The following PLOD1 variants were observed in gnomAD, a reference collection of about 807,000 sequenced individuals.
The protein encoded by PLOD1 is lysine hydroxylase.
A neutral mutation model predicts 94.7 loss-of-function variants in PLOD1; 70 were observed. That is an observed-to-expected ratio of 0.74 (90% CI 0.61 to 0.90). The LOEUF is 0.90. Among genes scored for constraint, PLOD1 ranks in the 40% least tolerant of loss-of-function variants. PLOD1 has a pLI of 0.00. For missense variants in PLOD1, 905 were observed against 972.7 expected (o/e 0.93, Z 0.93); for synonymous variants, 417 against 400.2 (o/e 1.04, Z -0.50).
At chr1:11,944,616 T>G in intron 1 of PLOD1, 1 of 1,365,006 alleles carries the variant, frequency 7.3e-7, no homozygotes, top group Non-Finnish European at 9.8e-7. Context: ...GGGGGAGCCC[T>G]TCCCCAAGTG....
At chr1:11,949,315 T>C (rs1645680192) in intron 2 of PLOD1, among the ~76,000 whole-genome samples, 1 of 152,174 alleles carries the variant, frequency 6.6e-6, no homozygotes, top group Admixed American at 6.5e-5. Flanking sequence ...TGGACAGGCA[T>C]GGTCACATGA....
At chr1:11,939,398 G>A (rs999017397) in intron 1 of PLOD1, among the ~76,000 whole-genome samples, 1 of 152,090 alleles carries the variant, frequency 6.6e-6, no homozygotes, top group Admixed American at 6.6e-5. Context: ...ATTCATTCCC[G>A]CCTCCCCAGG....
chr1:11,950,861 T>G (rs1490056789), intron 4 of PLOD1, among the ~76,000 whole-genome samples: 1 of 152,138 alleles, frequency 6.6e-6, no homozygotes, highest in Non-Finnish European at 1.5e-5. Flanking sequence ...TGGTGGGATC[T>G]CAGCTCACTG....
intron 6 of PLOD1, among the ~76,000 whole-genome samples, chr1:11,956,458 G>A (rs1645738453): frequency 6.6e-6 from 1 of 152,154 alleles, no homozygotes; most frequent in African/African-American, 2.4e-5. Context: ...CCTCCACTGG[G>A]ACAAGATCTG....
chr1:11,948,116 A>C, intron 2 of PLOD1, 49 bp downstream of exon 2: 2 of 1,254,796 alleles, frequency 1.6e-6, no homozygotes, highest in Non-Finnish European at 2.3e-6. Context: ...TGGCAGGAGG[A>C]TCTAGGAGCT....
intron 1 of PLOD1, among the ~76,000 whole-genome samples, chr1:11,940,267 C>T (rs1645606864): frequency 6.6e-6 from 1 of 152,160 alleles, no homozygotes; most frequent in African/African-American, 2.4e-5. Flanking sequence ...AAATAAGCCT[C>T]CTGCCTTGGT....
chr1:11,953,829 A>G (rs972369758), intron 5 of PLOD1, among the ~76,000 whole-genome samples: 2 of 151,794 alleles, frequency 1.3e-5, no homozygotes, highest in Non-Finnish European at 2.9e-5. Context: ...TTTCTCACAG[A>G]GATGTTGTCA....
At chr1:11,960,314 T>G (rs1645769044) in intron 9 of PLOD1, among the ~76,000 whole-genome samples, 1 of 152,194 alleles carries the variant, frequency 6.6e-6, no homozygotes, top group Non-Finnish European at 1.5e-5. Flanking sequence ...ACCTGGCACA[T>G]TTTGTAACAA....
chr1:11,964,331 G>GGGGGGGGGGGGGCC, intron 12 of PLOD1, 31 bp downstream of exon 12: 1 of 1,456,166 alleles, frequency 6.9e-7, no homozygotes, highest in Non-Finnish European at 9.6e-7. Context: ...GGTGGGTGGG[G>GGGGGGGGGGGGGCC]GACACCTTCA....
rs376661744 is a variant in PLOD1 at position 11,954,908 on chromosome 1, C to T, written c.643+15C>T. Reference sequence around the variant, plus strand: ...TGGAGCCTTGGGTGAGCAGCCCCCACGGGGAGGGGTGGATCCTCAGAGGGG... The same window carrying T: ...TGGAGCCTTGGGTGAGCAGCCCCCATGGGGAGGGGTGGATCCTCAGAGGGG... On this transcript the variant is annotated intron_variant, in intron 6 of 18. Transcript: ENST00000196061. The T allele has an allele frequency of 2.6e-5, 41 of 1,601,004 alleles. No individual in the cohort carries two copies. In the African/African-American group the frequency reaches 3.5e-4, roughly 14 times the overall value.
intron 18 of PLOD1, among the ~76,000 whole-genome samples, chr1:11,974,348 G>T (rs532320867): frequency 1.3e-5 from 2 of 152,000 alleles, no homozygotes; most frequent in African/African-American, 2.4e-5. Flanking sequence ...ACACCCAGCT[G>T]GTTTTTGTAT....
chr1:11,952,756 C>G (rs766399080), intron 5 of PLOD1, 21 bp downstream of exon 5: 1 of 1,542,146 alleles, frequency 6.5e-7, no homozygotes, highest in Non-Finnish European at 9.0e-7. Context: ...GTGGGCGGGC[C>G]AAGGAGAGGG....
At chr1:11,965,345 G>C (rs1179443058) in intron 13 of PLOD1, 135 bp from the exon 14 acceptor site, 1 of 671,654 alleles carries the variant, frequency 1.5e-6, no homozygotes, top group East Asian at 2.7e-5. Context: ...GACTGCACTT[G>C]GTCTCTGATA....
rs951382648 is a variant in PLOD1 at position 11,958,135 on chromosome 1, T to C, written c.843+192T>C. Among the ~76,000 whole-genome samples, 8 of 151,950 alleles carry C rather than the reference T, an allele frequency of 5.3e-5. No homozygotes were observed. Among genetic ancestry groups the C allele is most frequent in the African/African-American group, 1.9e-4 (8 of 41,348 alleles). ...GAAGCCCTCTCAGATTGCATGTCTCTAGCTTCCCCCGAGATGTCCAGGTTC... is the reference window on the plus strand; with the variant it reads ...GAAGCCCTCTCAGATTGCATGTCTCCAGCTTCCCCCGAGATGTCCAGGTTC... On this transcript the variant is annotated intron_variant, in intron 8 of 18. Transcript: ENST00000196061. The surrounding 1 kb of genome is among the most constrained non-coding windows in gnomAD (Gnocchi z 4.3).
Position 11,958,542 on chromosome 1 carries a change from C to A in PLOD1, c.870C>A (p.Val290=). Reference sequence around the variant, plus strand: ...ATGAAGCTCTGCCCACGGTCCTGGTCGGCGTGTTCATCGAACAGCCCACGC... The same window carrying A: ...ATGAAGCTCTGCCCACGGTCCTGGTAGGCGTGTTCATCGAACAGCCCACGC... ...IGDEALPTVL[V]GVFIEQPTPF... The change falls in exon 9 of 19, where the codon GTC becomes GTA. Residue 290 remains valine (V), a synonymous_variant. Coordinates refer to ENST00000196061, the MANE Select transcript of PLOD1 (RefSeq NM_000302.4). The surrounding 1 kb of genome is among the most constrained non-coding windows in gnomAD (Gnocchi z 4.3). The A allele has an allele frequency of 6.2e-7, 1 of 1,613,782 alleles. No homozygotes were observed. Among genetic ancestry groups the A allele is most frequent in the Non-Finnish European group, 8.5e-7 (1 of 1,179,908 alleles).
In PLOD1 at chr1:11,963,708, T is replaced by TTCC. The variant is rs992966356; in HGVS notation, c.1202+87_1202+89dup. ...TCCTGGGGTGGCAGCCCTCCTTGCC[T>TTCC]TCCTCCTCCTCCTCCTCATCCACCT... is the stretch of plus-strand genomic sequence containing the variant. On this transcript the variant is annotated intron_variant, in intron 11 of 18. Coordinates refer to ENST00000196061, the MANE Select transcript of PLOD1 (RefSeq NM_000302.4). This position sits in a 1 kb window ranked among gnomAD's most constrained non-coding sequence, Gnocchi z 4.3. 116 of 878,090 alleles carry TTCC rather than the reference T, an allele frequency of 1.3e-4. No homozygotes were observed. The highest frequency in any genetic ancestry group is 2.0e-4 in the Non-Finnish European group (108 of 532,288). 54.4% of individuals were successfully genotyped at this position (878,090 alleles called of 1,614,324 possible). A position where few individuals can be genotyped will look rare whatever the true frequency, so the allele number is the denominator to read the frequency against.
At chr1:11,937,922 A>ATT (rs1218806419) in intron 1 of PLOD1, among the ~76,000 whole-genome samples, 40 of 97,178 alleles carry the variant, frequency 4.1e-4, no homozygotes, top group Admixed American at 2.9e-3. Context: ...CCTGTTTTCC[A>ATT]TTTTTTTTTT....
Position 11,949,775 on chromosome 1 carries a change from G to A in PLOD1, c.171G>A (p.Ala57=), listed in dbSNP as rs1645685588. ...SAQFFNYKIQ[A]LGLGEDWNVE... ...TGTTAAGGGGTGTTTCTCTCCAGGC[G>A]CTTGGCCTAGGGGAGGACTGGAATG... Residue 57 remains alanine, a splice_region_variant and synonymous_variant, in exon 3 of 19, where the codon GCG becomes GCA. Transcript: ENST00000196061. 4 of 1,613,944 alleles carry A rather than the reference G, an allele frequency of 2.5e-6. No homozygotes were observed. The highest frequency in any genetic ancestry group is 3.4e-6 in the Non-Finnish European group (4 of 1,179,942).
chr1:11,973,118 A>T, intron 18 of PLOD1, 121 bp downstream of exon 18: 1 of 1,058,942 alleles, frequency 9.4e-7, no homozygotes. Context: ...GAGAACCAGA[A>T]AAAAAAGGAT....
Sources: allele counts gnomAD v4.1 joint callset (sites outside exome capture counted in the v4.1 genomes callset), GRCh38; gene constraint gnomAD v4.1.1; non-coding constraint Gnocchi (gnomAD v3.1); transcripts MANE v1.5; gene names NCBI Gene and HGNC (gene_info 2026-07-23, HGNC 2026-07-21).